Variants in PHLPP1 observed in about 807,000 individuals in gnomAD.
The protein encoded by PHLPP1 is PH domain and leucine rich repeat protein phosphatase 1, also known as PH domain leucine-rich repeat-containing protein phosphatase 1.
PHLPP1 carries 42 observed loss-of-function variants against 117.2 expected under a neutral mutation model. That is an observed-to-expected ratio of 0.36 (90% CI 0.28 to 0.46). PHLPP1 has a LOEUF of 0.46. Among genes scored for constraint, PHLPP1 ranks in the 20% least tolerant of loss-of-function variants. The probability of loss-of-function intolerance (pLI) is 1.00; values close to 1 mark genes in which losing one functional copy is unlikely to be tolerated. For missense variants in PHLPP1, 2,084 were observed against 2,241.9 expected, an observed-to-expected ratio of 0.93 and a Z score of 1.42; for synonymous variants, 1,042 against 970.7, an observed-to-expected ratio of 1.07 and a Z score of -1.37.
chr18:62,881,556 T>C (rs1026581493), intron 4 of PHLPP1, among the ~76,000 whole-genome samples: 4 of 152,182 alleles, frequency 2.6e-5, no homozygotes, highest in African/African-American at 7.2e-5. Context: ...ATATGTTTAT[T>C]TTACTTGTAC....
chr18:62,801,489 G>A (rs766643958), intron 1 of PHLPP1, among the ~76,000 whole-genome samples: 16 of 151,126 alleles, frequency 1.1e-4, no homozygotes, highest in South Asian at 4.2e-4. Flanking sequence ...CTGTCCGTCC[G>A]TCGCCCAGGC....
intron 4 of PHLPP1, among the ~76,000 whole-genome samples, chr18:62,873,025 G>A (rs1345557414): frequency 6.6e-6 from 1 of 150,442 alleles, no homozygotes; most frequent in Non-Finnish European, 1.5e-5. Context: ...GGAGGTCAGA[G>A]CACTCCTTTT....
intron 15 of PHLPP1, among the ~76,000 whole-genome samples, chr18:62,973,076 T>C (rs1057220347): frequency 1.3e-5 from 2 of 152,256 alleles, no homozygotes; most frequent in African/African-American, 4.8e-5. Flanking sequence ...GGGACCTCTC[T>C]TTGAAATGGA....
chr18:62,870,923 A>G (rs955056087), intron 4 of PHLPP1, among the ~76,000 whole-genome samples: 9 of 152,174 alleles, frequency 5.9e-5, no homozygotes, highest in Admixed American at 5.2e-4. Context: ...CAAAATATAG[A>G]GGAGAGGCAA....
At chr18:62,826,335 T>C (rs1568129414) in intron 1 of PHLPP1, 2 of 365,198 alleles carry the variant, frequency 5.5e-6, no homozygotes, top group East Asian at 1.5e-4. Context: ...TATTTTATTA[T>C]TTTAGATTTA....
rs935739859 is a variant in PHLPP1 at position 62,773,380 on chromosome 18, T to G, written c.1576+56121T>G. On this transcript the variant is annotated intron_variant, in intron 1 of 16. Coordinates refer to ENST00000262719, the MANE Select transcript of PHLPP1 (RefSeq NM_194449.4). ...TTGTTTGAACTTTGTACTTCATGAT[T>G]TTTTTTGGAGCTTCCCTATGGCCTT... Among the ~76,000 whole-genome samples, 3 of 152,204 alleles carry G rather than the reference T, an allele frequency of 2.0e-5. No individual in the cohort carries two copies. The South Asian group carries it at 6.2e-4, about 31-fold the overall frequency.
intron 1 of PHLPP1, among the ~76,000 whole-genome samples, chr18:62,816,776 T>C (rs1355105377): frequency 6.6e-6 from 1 of 152,202 alleles, no homozygotes; most frequent in African/African-American, 2.4e-5. Context: ...CTTGCCTGTT[T>C]ATATATCTTT....
At chr18:62,794,541 A>G (rs780509838) in intron 1 of PHLPP1, among the ~76,000 whole-genome samples, 1 of 151,276 alleles carries the variant, frequency 6.6e-6, no homozygotes, top group Non-Finnish European at 1.5e-5. Context: ...CTAAGTTTTG[A>G]TTTTTTTTCT....
intron 10 of PHLPP1, among the ~76,000 whole-genome samples, chr18:62,925,427 G>A (rs1260137590): frequency 6.6e-6 from 1 of 152,168 alleles, no homozygotes; most frequent in African/African-American, 2.4e-5. Context: ...GGAAGTGTAT[G>A]TTCAAATGAG....
At chr18:62,870,217 C>T (rs1295420811) in intron 4 of PHLPP1, among the ~76,000 whole-genome samples, 1 of 152,130 alleles carries the variant, frequency 6.6e-6, no homozygotes, top group Non-Finnish European at 1.5e-5. Context: ...TTTCATTACA[C>T]ACTACTATGA....
intron 1 of PHLPP1, among the ~76,000 whole-genome samples, chr18:62,751,767 A>G (rs1911861690): frequency 6.6e-6 from 1 of 152,130 alleles, no homozygotes; most frequent in South Asian, 2.1e-4. Flanking sequence ...AGGGAAGGCA[A>G]AGGACTATGT....
At chr18:62,835,908 G>A (rs533388036) in intron 2 of PHLPP1, among the ~76,000 whole-genome samples, 21 of 149,700 alleles carry the variant, frequency 1.4e-4, no homozygotes, top group African/African-American at 4.4e-4. Flanking sequence ...AGCCTCCTGA[G>A]TACCTGGGAT....
intron 10 of PHLPP1, among the ~76,000 whole-genome samples, chr18:62,927,309 T>G (rs189099181): frequency 5.3e-5 from 8 of 152,110 alleles, no homozygotes; most frequent in African/African-American, 1.9e-4. Context: ...GGGAAAAAGA[T>G]GAACAGATCC....
At position 62,821,692 on chromosome 18, in the gene PHLPP1, G is replaced by C. The variant is rs189140018; in HGVS notation, c.1577-8343G>C. Reference sequence around the variant, plus strand: ...AGAAGACTCAAGTTACCAATATCAGGAATGAAAGAGGTGACATCATTACAG... The same window carrying C: ...AGAAGACTCAAGTTACCAATATCAGCAATGAAAGAGGTGACATCATTACAG... On this transcript the variant is annotated intron_variant, in intron 1 of 16. Transcript: ENST00000262719. Among the ~76,000 whole-genome samples, 5 of 151,334 alleles carry C rather than the reference G, an allele frequency of 3.3e-5. No individual in the cohort carries two copies. In the East Asian group the frequency reaches 7.7e-4, roughly 23 times the overall value.
intron 12 of PHLPP1, among the ~76,000 whole-genome samples, chr18:62,949,330 C>T (rs2144463856): frequency 6.6e-6 from 1 of 152,314 alleles, no homozygotes. Context: ...GCAAACAAAT[C>T]TCCGTACTGA....
chr18:62,969,857 T>C lies in PHLPP1; in HGVS notation c.3561-2657T>C, dbSNP rs546842406. On this transcript the variant is annotated intron_variant, in intron 14 of 16. Coordinates refer to ENST00000262719, the MANE Select transcript of PHLPP1 (RefSeq NM_194449.4). ...TTTTACTTTTAACCTATTTGTCTCATATTTAAAATGGATTTCTTATAGGCG... is the reference window on the plus strand; with the variant it reads ...TTTTACTTTTAACCTATTTGTCTCACATTTAAAATGGATTTCTTATAGGCG... 2.4e-4 allele frequency among the ~76,000 whole-genome samples: 37 copies of C among 152,352 alleles called. 1 individual carries two copies. Among genetic ancestry groups the C allele is most frequent in the Admixed American group, 2.0e-3 (30 of 15,308 alleles).
chr18:62,939,012 C>T (rs1272499154), intron 10 of PHLPP1, among the ~76,000 whole-genome samples: 2 of 45,510 alleles, frequency 4.4e-5, no homozygotes, highest in Non-Finnish European at 9.4e-5. Context: ...TTTTTTGAGC[C>T]GGAGTTTCGC....
rs34600395 is a variant in PHLPP1 at position 62,735,564 on chromosome 18, AAACAACAACAAC to A, written c.1576+18335_1576+18346del. Among the ~76,000 whole-genome samples, 556 of 142,990 alleles carry A rather than the reference AAACAACAACAAC, an allele frequency of 3.9e-3. 3 individuals are homozygous for A. Among genetic ancestry groups the A allele is most frequent in the African/African-American group, 0.012 (490 of 40,188 alleles). 93.8% of individuals were successfully genotyped at this position (142,990 alleles called of 152,430 possible). On this transcript the variant is annotated intron_variant, in intron 1 of 16. Coordinates refer to ENST00000262719, the MANE Select transcript of PHLPP1 (RefSeq NM_194449.4). ...ACTTCCCCTTCCCAGCCCCCCATCA[AAACAACAACAAC>A]AACAACAACAACAACAACAACAACA... is the stretch of plus-strand genomic sequence containing the variant.
intron 4 of PHLPP1, among the ~76,000 whole-genome samples, chr18:62,867,151 C>G (rs747793957): frequency 6.6e-6 from 1 of 152,158 alleles, no homozygotes; most frequent in Non-Finnish European, 1.5e-5. Flanking sequence ...GCCTGAAGCT[C>G]CAGCCCATCC....
Sources: allele counts gnomAD v4.1 joint callset (sites outside exome capture counted in the v4.1 genomes callset), GRCh38; gene constraint gnomAD v4.1.1; transcripts MANE v1.5; gene names NCBI Gene and HGNC (gene_info 2026-07-23, HGNC 2026-07-21).